Variants in DMXL1 observed in about 807,000 individuals in gnomAD.
The protein encoded by DMXL1 is dmX-like protein 1.
In DMXL1, 99 loss-of-function variants were observed where a neutral mutation model predicts 319.2. The observed-to-expected ratio is 0.31, with a 90% CI of 0.26 to 0.37. The LOEUF (loss-of-function observed/expected upper bound fraction) is 0.37, where lower values mean the gene tolerates loss of function less well. Among genes scored for constraint, DMXL1 ranks in the 10% least tolerant of loss-of-function variants. DMXL1 has a pLI of 1.00. For missense variants in DMXL1, 3,745 were observed against 3,595.6 expected (o/e 1.04, Z -1.06); for synonymous variants, 1,385 against 1,235.2 (o/e 1.12, Z -2.54).
intron 9 of DMXL1, among the ~76,000 whole-genome samples, chr5:119,123,750 C>T (rs1385189404): frequency 6.7e-6 from 1 of 148,234 alleles, no homozygotes; most frequent in African/African-American, 2.5e-5. Flanking sequence ...CTTGCCTTGG[C>T]CTCCCAAAGT....
chr5:119,092,393 T>A (rs78387959), intron 1 of DMXL1, among the ~76,000 whole-genome samples: 3,194 of 152,256 alleles, frequency 0.021, 125 homozygotes, highest in African/African-American at 0.072. Context: ...TCGGTGGGAT[T>A]ACAGGTGCAA....
chr5:119,123,755 C>T (rs1251135063), intron 9 of DMXL1, among the ~76,000 whole-genome samples: 5 of 143,848 alleles, frequency 3.5e-5, no homozygotes, highest in Non-Finnish European at 7.6e-5. Flanking sequence ...CTTGGCCTCC[C>T]AAAGTGCTGG....
chr5:119,082,572 C>G (rs1752483132), intron 1 of DMXL1, among the ~76,000 whole-genome samples: 1 of 152,098 alleles, frequency 6.6e-6, no homozygotes, highest in Non-Finnish European at 1.5e-5. Context: ...AGCTGCCATG[C>G]CTGGCCTTAT....
intron 1 of DMXL1, among the ~76,000 whole-genome samples, chr5:119,092,628 G>A (rs1755038653): frequency 6.6e-6 from 1 of 152,178 alleles, no homozygotes; most frequent in African/African-American, 2.4e-5. Context: ...GAAATCCCGT[G>A]TCTATTACCA....
At chr5:119,111,434 A>G (rs1759570740) in intron 5 of DMXL1, among the ~76,000 whole-genome samples, 1 of 152,208 alleles carries the variant, frequency 6.6e-6, no homozygotes, top group African/African-American at 2.4e-5. Context: ...TTAAATAAAA[A>G]ATATTAATTT....
At chr5:119,123,063 G>C (rs1762567827) in intron 9 of DMXL1, among the ~76,000 whole-genome samples, 1 of 152,168 alleles carries the variant, frequency 6.6e-6, no homozygotes, top group Admixed American at 6.5e-5. Flanking sequence ...GCACCTGGGA[G>C]GCCGAGGCTG....
intron 1 of DMXL1, among the ~76,000 whole-genome samples, chr5:119,082,016 TATATAC>T (rs1452516541): frequency 1.6e-3 from 124 of 78,720 alleles, no homozygotes; most frequent in African/African-American, 4.2e-3. Context: ...TATATATATA[TATATAC>T]ACACACACAC....
chr5:119,095,118 G>A (rs1386771155), intron 1 of DMXL1, among the ~76,000 whole-genome samples: 2 of 152,122 alleles, frequency 1.3e-5, no homozygotes, highest in Non-Finnish European at 2.9e-5. Context: ...GCCTCCCAAG[G>A]TTCTGGGATT....
chr5:119,129,353 A>T lies in DMXL1; in HGVS notation c.1245A>T (p.Lys415Asn), dbSNP rs1191569297. 6.2e-7 allele frequency: 1 copy of T among 1,613,930 alleles called. No homozygotes were observed. Among genetic ancestry groups the T allele is most frequent in the East Asian group, 2.2e-5 (1 of 44,802 alleles). ...SMEVFLQQLR[K>N]SFEQPSSEAS... Reference sequence around the variant, plus strand: ...AAGTTTTTTTACAGCAACTTAGAAAAAGTTTTGAACAACCATCTTCTGAGG... The same window carrying T: ...AAGTTTTTTTACAGCAACTTAGAAATAGTTTTGAACAACCATCTTCTGAGG... The change falls in exon 10 of 44, where the codon AAA (lysine) becomes AAT (asparagine). Residue 415 changes from lysine to asparagine, a missense_variant. Transcript: ENST00000539542.
chr5:119,237,061 A>G (rs796700755), intron 39 of DMXL1: 7 of 196,538 alleles, frequency 3.6e-5, no homozygotes, highest in African/African-American at 1.6e-4. Flanking sequence ...TGTAATACTT[A>G]CAGAGAATAT....
chr5:119,177,245 G>A (rs971579174), intron 26 of DMXL1, 112 bp from the exon 27 acceptor site: 6 of 617,014 alleles, frequency 9.7e-6, no homozygotes, highest in Admixed American at 7.1e-5. Context: ...TTACTTAGAT[G>A]TACTAGCAGT....
intron 21 of DMXL1, 70 bp downstream of exon 21, chr5:119,165,350 A>G: frequency 1.2e-6 from 1 of 806,938 alleles, no homozygotes; most frequent in Non-Finnish European, 2.0e-6. Flanking sequence ...AAATGAATGA[A>G]GTAAGATTTG....
At chr5:119,181,144 C>A (rs777221097) in intron 28 of DMXL1, among the ~76,000 whole-genome samples, 16 of 152,144 alleles carry the variant, frequency 1.1e-4, no homozygotes, top group Non-Finnish European at 2.1e-4. Context: ...GGCAAAAATA[C>A]CATTACATAA....
At position 119,133,483 on chromosome 5, in the gene DMXL1, C is replaced by T; in HGVS notation, c.1570-11C>T. The T allele has an allele frequency of 6.3e-7, 1 of 1,592,940 alleles. No homozygotes were observed. The highest frequency in any genetic ancestry group is 8.5e-7 in the Non-Finnish European group (1 of 1,172,786). On this transcript the variant is annotated splice_polypyrimidine_tract_variant and intron_variant, in intron 11 of 43. Transcript: ENST00000539542. ...TTTTATATGTTCTAACACTTGCTTTCTTGATTCTAGGTGTCCTTTGTTTCC... is the reference window on the plus strand; with the variant it reads ...TTTTATATGTTCTAACACTTGCTTTTTTGATTCTAGGTGTCCTTTGTTTCC...
chr5:119,090,787 G>A (rs1363784153), intron 1 of DMXL1, among the ~76,000 whole-genome samples: 1 of 151,356 alleles, frequency 6.6e-6, no homozygotes, highest in African/African-American at 2.4e-5. Context: ...GGGTGGTCTC[G>A]ATCTCTCAAC....
In DMXL1 at chr5:119,206,868, C is replaced by T. The variant is rs771277323; in HGVS notation, c.7898C>T (p.Ser2633Phe). The stretch of plus-strand genomic sequence containing the variant: ...GACAACAGTGAAACCATCAAAAATT[C>T]TATGATGGAGGAGCCAAACATCAAT... Reference protein sequence around the residue: ...LEDNSETIKNSMMEEPNINKI... With the variant: ...LEDNSETIKNFMMEEPNINKI... Residue 2633 changes from serine (S) to phenylalanine (F), a missense_variant, in exon 34 of 44, where the codon TCT becomes TTT. Coordinates refer to ENST00000539542, the MANE Select transcript of DMXL1 (RefSeq NM_001290321.3). The T allele has an allele frequency of 3.0e-5, 46 of 1,528,854 alleles. 2 individuals carry two copies. The South Asian group carries it at 4.8e-4, about 16-fold the overall frequency. 94.7% of individuals were successfully genotyped at this position (1,528,854 alleles called of 1,614,324 possible). A position where few individuals can be genotyped will look rare whatever the true frequency, so the allele number is the denominator to read the frequency against.
rs932323922 is a variant in DMXL1 at position 119,107,016 on chromosome 5, A to G, written c.364+1758A>G. Among the ~76,000 whole-genome samples, 14 of 152,290 alleles carry G rather than the reference A, an allele frequency of 9.2e-5. No homozygotes were observed. The East Asian group carries it at 1.5e-3, about 17-fold the overall frequency. ...AAGCTTGTATATCATAAAGCAATAT[A>G]TAGACATTTGAATCTAGAACATAAA... On this transcript the variant is annotated intron_variant, in intron 4 of 43. Coordinates refer to ENST00000539542, the MANE Select transcript of DMXL1 (RefSeq NM_001290321.3).
chr5:119,195,955 A>G lies in DMXL1; in HGVS notation c.7458-416A>G, dbSNP rs1021361108. 7.9e-5 allele frequency among the ~76,000 whole-genome samples: 12 copies of G among 152,288 alleles called. No homozygotes were observed. The East Asian group carries it at 9.6e-4, about 12-fold the overall frequency. ...CTTCTGGTTTATCCTTCTGTTTGCAAAAATAAGCAAAAGCATCTATCTAAA... is the reference window on the plus strand; with the variant it reads ...CTTCTGGTTTATCCTTCTGTTTGCAGAAATAAGCAAAAGCATCTATCTAAA... On this transcript the variant is annotated intron_variant, in intron 30 of 43. Coordinates refer to ENST00000539542, the MANE Select transcript of DMXL1 (RefSeq NM_001290321.3).
rs1774340784 is a variant in DMXL1 at position 119,170,540 on chromosome 5, G to A, written c.5749G>A (p.Asp1917Asn). The A allele has an allele frequency of 6.2e-7, 1 of 1,613,740 alleles. No individual in the cohort carries two copies. The highest frequency in any genetic ancestry group is 8.5e-7 in the Non-Finnish European group (1 of 1,179,872). ...SSPLKLDAREDKSSAVDWSQS... is the reference protein window; with the variant it reads ...SSPLKLDARENKSSAVDWSQS... ...TCCATTAAAGTTGGATGCAAGGGAA[G>A]ATAAGTCTTCTGCTGTTGATTGGTC... The change falls in exon 24 of 44, where the codon GAT (aspartate) becomes AAT (asparagine). Residue 1917 changes from aspartate to asparagine, a missense_variant. Asp to Asn is a conservative substitution (Grantham distance 23). Coordinates refer to ENST00000539542, the MANE Select transcript of DMXL1 (RefSeq NM_001290321.3).
Sources: gnomAD v4.1 joint callset for allele counts (sites outside exome capture counted in the v4.1 genomes callset) on GRCh38, gnomAD v4.1.1 for gene constraint, MANE v1.5 for transcripts, NCBI Gene and HGNC (gene_info 2026-07-23, HGNC 2026-07-21) for gene names.